Variants in CDH7 observed in about 807,000 individuals in gnomAD.
CDH7 encodes cadherin 7, also known as cadherin-7.
CDH7 carries 25 observed loss-of-function variants against 71.8 expected under a neutral mutation model. That is an observed-to-expected ratio of 0.35 (90% CI 0.25 to 0.49). CDH7 has a LOEUF of 0.49. Among genes scored for constraint, CDH7 ranks in the 20% least tolerant of loss-of-function variants. The pLI is 0.99. For synonymous variants in CDH7, 381 were observed against 363.8 expected (o/e 1.05, Z -0.54); for missense variants, 862 against 974.6 (o/e 0.88, Z 1.54).
intron 8 of CDH7, 31 bp from the exon 9 acceptor site, chr18:65,858,894 G>A (rs1913460546): frequency 6.2e-7 from 1 of 1,600,164 alleles, no homozygotes; most frequent in Non-Finnish European, 8.5e-7. Flanking sequence ...TGGGCAAAGA[G>A]TAAATGATAA....
At position 65,880,507 on chromosome 18, in the gene CDH7, CG is replaced by C; in HGVS notation, c.1976del (p.Gly659GlufsTer13). The C allele has an allele frequency of 6.2e-7, 1 of 1,611,648 alleles. No individual in the cohort carries two copies. Among genetic ancestry groups the C allele is most frequent in the Non-Finnish European group, 8.5e-7 (1 of 1,179,382 alleles). On this transcript the variant is annotated frameshift_variant, in exon 12 of 12. Transcript: ENST00000397968. LOFTEE classifies it high-confidence loss of function. Reference sequence around the variant, plus strand: ...ATATTGTGAGATACGATGACGAGGGCGGGGGAGAGGAGGACACGGAAGCGTT... The same window carrying C: ...ATATTGTGAGATACGATGACGAGGGCGGGGAGAGGAGGACACGGAAGCGTT... ...ENIVRYDDEG[G>X]GEEDTEAFDM...
chr18:65,873,811 G>A (rs2144059761), intron 11 of CDH7, among the ~76,000 whole-genome samples: 1 of 152,232 alleles, frequency 6.6e-6, no homozygotes, highest in Non-Finnish European at 1.5e-5. Flanking sequence ...CATCTCTTAT[G>A]TTGGACTTTC....
At chr18:65,773,773 G>T (rs1428723592) in intron 2 of CDH7, among the ~76,000 whole-genome samples, 1 of 152,092 alleles carries the variant, frequency 6.6e-6, no homozygotes, top group Admixed American at 6.6e-5. Context: ...CGTAATATCT[G>T]TATGTTCTCA....
Position 65,887,194 on chromosome 18 carries a change from T to C in CDH7, c.*6300T>C, listed in dbSNP as rs76754627. ...TCTAATTTTGTGAGTATAAACCCTA[T>C]GTTTTTGTATATCAAGATCTGGAAT... On this transcript the variant is annotated 3_prime_UTR_variant, in exon 12 of 12. Transcript: ENST00000397968. 6.6e-6 allele frequency: 1 copy of C among 152,170 alleles called. No individual in the cohort carries two copies. The highest frequency in any genetic ancestry group is 6.5e-5 in the Admixed American group (1 of 15,274). 9.4% of individuals were successfully genotyped at this position (152,170 alleles called of 1,614,324 possible).
intron 6 of CDH7, among the ~76,000 whole-genome samples, chr18:65,835,851 A>C (rs146481086): frequency 8.5e-5 from 13 of 152,338 alleles, no homozygotes; most frequent in African/African-American, 2.9e-4. Context: ...GAATATGTGA[A>C]CGTTTTACCT....
intron 2 of CDH7, among the ~76,000 whole-genome samples, chr18:65,781,864 T>TTCTCTCTCTCTC (rs199977503): frequency 1.8e-5 from 1 of 54,614 alleles, no homozygotes; most frequent in Non-Finnish European, 3.2e-5. Flanking sequence ...CTTTCTTTCT[T>TTCTCTCTCTCTC]TCTCTCTCTC....
At chr18:65,873,785 G>T (rs534073472) in intron 11 of CDH7, among the ~76,000 whole-genome samples, 1 of 152,134 alleles carries the variant, frequency 6.6e-6, no homozygotes, top group Non-Finnish European at 1.5e-5. Flanking sequence ...TATCCCTCAA[G>T]TCACATTTCA....
At chr18:65,867,704 G>T (rs532619657) in intron 11 of CDH7, among the ~76,000 whole-genome samples, 1 of 152,164 alleles carries the variant, frequency 6.6e-6, no homozygotes, top group Non-Finnish European at 1.5e-5. Context: ...TTAAGTTTTG[G>T]GTGTTTCTGT....
chr18:65,840,900 A>G (rs1468369895), intron 6 of CDH7, among the ~76,000 whole-genome samples: 12 of 151,984 alleles, frequency 7.9e-5, no homozygotes, highest in Non-Finnish European at 7.4e-5. Flanking sequence ...CTTAATTGTT[A>G]TTTTTCAAGT....
chr18:65,795,451 C>T (rs1245801602), intron 2 of CDH7, among the ~76,000 whole-genome samples: 1 of 152,030 alleles, frequency 6.6e-6, no homozygotes, highest in Non-Finnish European at 1.5e-5. Flanking sequence ...ATTATCATCC[C>T]AGTACTGCTG....
intron 11 of CDH7, among the ~76,000 whole-genome samples, chr18:65,871,335 A>G (rs939356895): frequency 1.5e-4 from 23 of 152,196 alleles, no homozygotes; most frequent in Admixed American, 1.1e-3. Context: ...GAAGTGGTTT[A>G]TAAGAGGTAA....
chr18:65,803,661 G>A (rs1275808919), intron 2 of CDH7: 2 of 151,968 alleles, frequency 1.3e-5, no homozygotes, highest in East Asian at 3.9e-4. Flanking sequence ...TTTATTAAAA[G>A]ACATAATAGA....
intron 2 of CDH7, 43 bp downstream of exon 2, chr18:65,763,095 C>T (rs1399209466): frequency 1.3e-5 from 18 of 1,397,920 alleles, no homozygotes; most frequent in Non-Finnish European, 1.6e-5. Flanking sequence ...GATTATTGTC[C>T]ATGTCTATGG....
At chr18:65,839,376 G>T (rs931132119) in intron 6 of CDH7, among the ~76,000 whole-genome samples, 13 of 152,092 alleles carry the variant, frequency 8.5e-5, no homozygotes, top group African/African-American at 2.7e-4. Context: ...CATGGCAGAA[G>T]GGGTGAGGGA....
chr18:65,843,703 T>A, intron 6 of CDH7, 109 bp from the exon 7 acceptor site: 1 of 985,436 alleles, frequency 1.0e-6, no homozygotes, highest in Non-Finnish European at 1.4e-6. Flanking sequence ...TGATGGTGCA[T>A]TTACATGACA....
intron 11 of CDH7, among the ~76,000 whole-genome samples, chr18:65,868,937 G>T (rs1913845644): frequency 6.6e-6 from 1 of 152,128 alleles, no homozygotes; most frequent in South Asian, 2.1e-4. Context: ...AAGCATATAT[G>T]ATCTATTACA....
At chr18:65,773,804 T>C (rs902365258) in intron 2 of CDH7, among the ~76,000 whole-genome samples, 1 of 152,144 alleles carries the variant, frequency 6.6e-6, no homozygotes, top group African/African-American at 2.4e-5. Flanking sequence ...ACTGCATGTA[T>C]GGGACGCTTA....
chr18:65,803,569 A>G (rs1911201297), intron 2 of CDH7: 1 of 152,196 alleles, frequency 6.6e-6, no homozygotes, highest in African/African-American at 2.4e-5. Flanking sequence ...CCAGAAAGAA[A>G]TGACTCATAC....
chr18:65,862,984 A>C (rs774743606), intron 11 of CDH7, 67 bp downstream of exon 11: 2 of 1,511,456 alleles, frequency 1.3e-6, no homozygotes, highest in Non-Finnish European at 1.8e-6. Context: ...CGACTTGCCT[A>C]TTATCTTCTC....
Sources: allele counts gnomAD v4.1 joint callset (sites outside exome capture counted in the v4.1 genomes callset), GRCh38; gene constraint gnomAD v4.1.1; transcripts MANE v1.5; gene names NCBI Gene and HGNC (gene_info 2026-07-23, HGNC 2026-07-21).